Variants in NAALADL2 observed in about 807,000 individuals in gnomAD.
NAALADL2 encodes N-acetylated alpha-linked acidic dipeptidase like 2.
Under a neutral mutation model 87.2 loss-of-function variants are expected in NAALADL2, and 76 were observed. The ratio of observed to expected loss-of-function variants is 0.87; its 90% CI spans 0.72 to 1.05. The LOEUF (loss-of-function observed/expected upper bound fraction) is 1.05. Among genes scored for constraint, NAALADL2 ranks in the 50% least tolerant of loss-of-function variants. NAALADL2 has a pLI of 0.00. For synonymous variants in NAALADL2, 354 were observed against 331.0 expected (o/e 1.07, Z -0.75); for missense variants, 1,089 against 945.8 (o/e 1.15, Z -1.99).
At chr3:174,714,833 T>G (rs935345724) in intron 2 of NAALADL2, among the ~76,000 whole-genome samples, 1 of 152,212 alleles carries the variant, frequency 6.6e-6, no homozygotes, top group African/African-American at 2.4e-5. Flanking sequence ...TCCAACACTA[T>G]GTTGAATAGG....
chr3:175,317,544 ATGTTCACAGACCT>A (rs1213983850), intron 4 of NAALADL2, among the ~76,000 whole-genome samples: 1 of 152,022 alleles, frequency 6.6e-6, no homozygotes, highest in Non-Finnish European at 1.5e-5. Flanking sequence ...ACTTCCTTAG[ATGTTCACAGACCT>A]TGTCCTACTT....
intron 11 of NAALADL2, among the ~76,000 whole-genome samples, chr3:175,719,007 C>T (rs975977271): frequency 4.6e-5 from 7 of 152,084 alleles, no homozygotes; most frequent in Admixed American, 4.6e-4. Flanking sequence ...ATCTCATCCG[C>T]TTTGTGCTAA....
intron 2 of NAALADL2, among the ~76,000 whole-genome samples, chr3:174,622,888 A>G (rs1260448535): frequency 2.6e-5 from 4 of 152,106 alleles, no homozygotes; most frequent in Admixed American, 6.5e-5. Context: ...AAAAAAGTAC[A>G]AAAAATTAGC....
intron 2 of NAALADL2, among the ~76,000 whole-genome samples, chr3:174,608,141 A>G (rs1197160415): frequency 6.6e-6 from 1 of 151,892 alleles, no homozygotes; most frequent in East Asian, 1.9e-4. Context: ...ACAACATACC[A>G]GAATCTCTGG....
intron 3 of NAALADL2, among the ~76,000 whole-genome samples, chr3:174,784,352 C>G (rs1056268709): frequency 1.3e-5 from 2 of 152,134 alleles, no homozygotes; most frequent in East Asian, 3.9e-4. Flanking sequence ...CATTATGTGG[C>G]GAGTCTTTGC....
At chr3:175,294,669 TAA>T (rs1028762442) in intron 4 of NAALADL2, among the ~76,000 whole-genome samples, 3 of 152,308 alleles carry the variant, frequency 2.0e-5, no homozygotes, top group Admixed American at 6.5e-5. Flanking sequence ...TCAAAAAAAA[TAA>T]GTTTCACTTT....
At chr3:175,171,577 A>G (rs1278877372) in intron 2 of NAALADL2, among the ~76,000 whole-genome samples, 1 of 152,140 alleles carries the variant, frequency 6.6e-6, no homozygotes, top group Non-Finnish European at 1.5e-5. Flanking sequence ...TCTAAGAAAC[A>G]TGTATTGAAA....
intron 2 of NAALADL2, among the ~76,000 whole-genome samples, chr3:175,133,366 C>A (rs368384270): frequency 9.2e-5 from 14 of 152,210 alleles, no homozygotes; most frequent in African/African-American, 3.4e-4. Context: ...GAGGCCAAGG[C>A]AGGCGGCTGG....
At chr3:174,787,606 T>TATACATATATATATATATACACAC (rs1553855461) in intron 3 of NAALADL2, among the ~76,000 whole-genome samples, 5 of 104,828 alleles carry the variant, frequency 4.8e-5, no homozygotes, top group African/African-American at 1.3e-4. Flanking sequence ...TATATATATA[T>TATACATATATATATATATACACAC]ATATATATAT....
chr3:174,553,829 G>A (rs1195147833), intron 2 of NAALADL2, among the ~76,000 whole-genome samples: 4 of 151,698 alleles, frequency 2.6e-5, no homozygotes, highest in Non-Finnish European at 4.4e-5. Context: ...TGAACAGTCT[G>A]GGCTTTCCAT....
At chr3:174,819,058 CTTTTTTTTTTTTTTTT>C (rs3040106) in intron 3 of NAALADL2, among the ~76,000 whole-genome samples, 2 of 47,536 alleles carry the variant, frequency 4.2e-5, no homozygotes, top group Non-Finnish European at 8.0e-5. Flanking sequence ...ACCATTTATT[CTTTTTTTTTTTTTTTT>C]TTTTTTTTTT....
intron 1 of NAALADL2, among the ~76,000 whole-genome samples, chr3:175,039,714 T>C (rs923745833): frequency 6.6e-6 from 1 of 152,178 alleles, no homozygotes; most frequent in Non-Finnish European, 1.5e-5. Flanking sequence ...GTGGTGCTCT[T>C]AGTGTAGGAA....
chr3:174,920,644 A>G (rs944608650), intron 1 of NAALADL2, among the ~76,000 whole-genome samples: 2 of 152,078 alleles, frequency 1.3e-5, no homozygotes, highest in African/African-American at 4.8e-5. Context: ...TATCATTCCT[A>G]TATTCGACGG....
At chr3:175,549,009 TG>T (rs768594067) in intron 9 of NAALADL2, among the ~76,000 whole-genome samples, 1 of 152,086 alleles carries the variant, frequency 6.6e-6, no homozygotes, top group Non-Finnish European at 1.5e-5. Context: ...TCTAGATATC[TG>T]GATTGTCTTG....
intron 1 of NAALADL2, among the ~76,000 whole-genome samples, chr3:174,966,886 G>A (rs16866437): frequency 0.021 from 3,234 of 152,118 alleles, 88 homozygotes; most frequent in East Asian, 0.15. Flanking sequence ...AAAACTTTCC[G>A]GATAGAGTAA....
chr3:175,106,625 G>T (rs114429992), intron 2 of NAALADL2, among the ~76,000 whole-genome samples: 1 of 151,944 alleles, frequency 6.6e-6, no homozygotes, highest in African/African-American at 2.4e-5. Flanking sequence ...TAGAAAAGTT[G>T]GTAATGATCA....
chr3:174,922,287 G>A (rs976005081), intron 1 of NAALADL2, among the ~76,000 whole-genome samples: 1 of 149,140 alleles, frequency 6.7e-6, no homozygotes, highest in African/African-American at 2.5e-5. Context: ...TCTAGCCTGG[G>A]TGACAGAGTG....
chr3:174,691,301 A>G (rs1728550111), intron 2 of NAALADL2, among the ~76,000 whole-genome samples: 1 of 152,026 alleles, frequency 6.6e-6, no homozygotes, highest in Non-Finnish European at 1.5e-5. Context: ...AATCCCAGAT[A>G]CTTGGGAGAC....
At chr3:174,533,095 C>T (rs1281572493) in intron 1 of NAALADL2, among the ~76,000 whole-genome samples, 1 of 106,458 alleles carries the variant, frequency 9.4e-6, no homozygotes, top group East Asian at 4.7e-4. Context: ...CTTTTACGTG[C>T]CCACCTTATC....
Sources: gnomAD v4.1 joint callset for allele counts (sites outside exome capture counted in the v4.1 genomes callset) on GRCh38, gnomAD v4.1.1 for gene constraint, MANE v1.5 for transcripts, NCBI Gene and HGNC (gene_info 2026-07-23, HGNC 2026-07-21) for gene names.